The following MAPT variants were observed in gnomAD, a reference collection of about 807,000 sequenced individuals.
MAPT encodes microtubule associated protein tau, also known as microtubule-associated protein tau.
In MAPT, 34 loss-of-function variants were observed where a neutral mutation model predicts 67.9. That is an observed-to-expected ratio of 0.50 (90% confidence interval 0.38 to 0.67). The LOEUF is 0.67. MAPT is among the 30% of genes least tolerant of loss of function. The pLI, the probability that MAPT is intolerant of heterozygous loss-of-function variation, is 0.00. For missense variants in MAPT, 881 were observed against 1,115.2 expected (o/e 0.79, Z 2.99); for synonymous variants, 456 against 464.5 (o/e 0.98, Z 0.23).
chr17:45,951,694 C>T (rs778942470), intron 1 of MAPT, among the ~76,000 whole-genome samples: 21 of 152,116 alleles, frequency 1.4e-4, no homozygotes, highest in African/African-American at 5.1e-4. Context: ...TCCCCCACCC[C>T]GCCCCCCGGG....
intron 4 of MAPT, chr17:45,979,265 A>C (rs1047270345): frequency 6.6e-6 from 1 of 152,172 alleles, no homozygotes; most frequent in Non-Finnish European, 1.5e-5. Flanking sequence ...GAAATGGGAG[A>C]CCTATGGTAC....
chr17:45,985,208 A>G (rs765245407), intron 5 of MAPT, among the ~76,000 whole-genome samples: 24 of 152,114 alleles, frequency 1.6e-4, no homozygotes, highest in Admixed American at 3.9e-4. Flanking sequence ...GGGAGGCTGA[A>G]GCAGGATAAG....
chr17:45,997,716 T>C (rs2074613083), intron 9 of MAPT, among the ~76,000 whole-genome samples: 3 of 152,104 alleles, frequency 2.0e-5, no homozygotes, highest in Admixed American at 2.0e-4. Flanking sequence ...GCCGAGATAG[T>C]GCCACTGCAC....
intron 1 of MAPT, 53 bp from the exon 2 acceptor site, chr17:45,962,268 C>A (rs757868162): frequency 1.3e-4 from 191 of 1,465,180 alleles, no homozygotes; most frequent in Non-Finnish European, 1.7e-4. Flanking sequence ...TCTTCACCCC[C>A]ACTCTGCCCC....
chr17:45,949,886 G>A (rs8080502), intron 1 of MAPT, among the ~76,000 whole-genome samples: 17 of 152,188 alleles, frequency 1.1e-4, no homozygotes, highest in African/African-American at 4.1e-4. Context: ...GCCCCAGATC[G>A]TGGGAAACCT....
chr17:45,934,881 G>GA (rs2067181065), intron 1 of MAPT, among the ~76,000 whole-genome samples: 1 of 147,142 alleles, frequency 6.8e-6, no homozygotes. Context: ...GCCTTTTTGA[G>GA]TTTCCCCCCC....
Position 45,971,971 on chromosome 17 carries a change from C to G in MAPT, c.220+26C>G, listed in dbSNP as rs954024026. The G allele has an allele frequency of 3.2e-6, 5 of 1,566,646 alleles. No individual in the cohort carries two copies. The African/African-American group carries it at 6.8e-5, about 21-fold the overall frequency. On this transcript the variant is annotated intron_variant, in intron 3 of 12. Coordinates refer to ENST00000262410, the MANE Select transcript of MAPT (RefSeq NM_001377265.1). This position sits in a 1 kb window ranked among gnomAD's most constrained non-coding sequence, Gnocchi z 4.3. ...GTGGGCCCCCCTTCAGACGCCCCCT[C>G]CATGCCTCCAGCCTGTGCTTAGCCG...
chr17:46,016,927 G>A (rs998952321), intron 11 of MAPT, among the ~76,000 whole-genome samples: 2 of 152,112 alleles, frequency 1.3e-5, no homozygotes, highest in African/African-American at 2.4e-5. Context: ...CTGCCATATC[G>A]GACGACACAG....
chr17:45,918,981 G>T (rs2065438223), intron 1 of MAPT, among the ~76,000 whole-genome samples: 1 of 151,750 alleles, frequency 6.6e-6, no homozygotes, highest in Non-Finnish European at 1.5e-5. Context: ...AGAATTGCTT[G>T]AGCCCGGGAG....
chr17:46,015,500 A>G (rs149561857), intron 11 of MAPT, among the ~76,000 whole-genome samples: 6,611 of 152,068 alleles, frequency 0.043, 827 homozygotes, highest in East Asian at 0.41. Context: ...TCTACTAAAA[A>G]TACAAAAAAT....
chr17:46,010,667 T>C lies in MAPT; in HGVS notation c.2091+265T>C, dbSNP rs1331662665. Among the ~76,000 whole-genome samples the C allele has an allele frequency of 6.6e-6, 1 of 152,038 alleles. No individual in the cohort carries two copies. The highest frequency in any genetic ancestry group is 2.4e-5 in the African/African-American group (1 of 41,396). Reference sequence around the variant, plus strand: ...GCCTGCGCAGGCTGTGTGGACAGAATAGGGCAGATGACGGACCCTCTCTCC... The same window carrying C: ...GCCTGCGCAGGCTGTGTGGACAGAACAGGGCAGATGACGGACCCTCTCTCC... On this transcript the variant is annotated intron_variant, in intron 10 of 12. Transcript: ENST00000262410. The surrounding 1 kb of genome is among the most constrained non-coding windows in gnomAD (Gnocchi z 4.7).
chr17:45,983,426 G>C lies in MAPT; in HGVS notation c.847G>C (p.Gly283Arg), dbSNP rs2073188791. ...GGGGCCGCCGCTGAAGGGGGCAGGG[G>C]GCAAAGAGAGGCCGGGGAGCAAGGA... ...QEGPPLKGAGGKERPGSKEEV... is the reference protein window; with the variant it reads ...QEGPPLKGAGRKERPGSKEEV... Residue 283 changes from glycine to arginine, a missense_variant, in exon 5 of 13, where the codon GGC becomes CGC. Transcript: ENST00000262410. 6.2e-7 allele frequency: 1 copy of C among 1,607,308 alleles called. No individual in the cohort carries two copies. The highest frequency in any genetic ancestry group is 2.2e-5 in the East Asian group (1 of 44,752).
chr17:45,928,781 C>T (rs944509617), intron 1 of MAPT, among the ~76,000 whole-genome samples: 1 of 152,100 alleles, frequency 6.6e-6, no homozygotes, highest in Non-Finnish European at 1.5e-5. Context: ...CTGCAAGCTC[C>T]GCCTCTCGGG....
chr17:45,987,835 C>T (rs2073713106), intron 6 of MAPT, among the ~76,000 whole-genome samples: 1 of 152,210 alleles, frequency 6.6e-6, no homozygotes, highest in African/African-American at 2.4e-5. Flanking sequence ...ATTTGGAGAG[C>T]TGGCCTGGGT....
In MAPT at chr17:45,996,313, A is replaced by G; in HGVS notation, c.1733-86A>G. ...GCCTAACCCAGTGGTGAGCCTGGGA[A>G]TGGACCCACGGGACAGGCAGCCCCC... On this transcript the variant is annotated intron_variant, in intron 8 of 12. Coordinates refer to ENST00000262410, the MANE Select transcript of MAPT (RefSeq NM_001377265.1). The surrounding 1 kb of genome is among the most constrained non-coding windows in gnomAD (Gnocchi z 4.5). 1 of 1,470,646 alleles carries G rather than the reference A, an allele frequency of 6.8e-7. No individual in the cohort carries two copies. The highest frequency in any genetic ancestry group is 2.3e-5 in the East Asian group (1 of 44,304). The allele number at this position is 1,470,646 out of a possible 1,614,324, so 91.1% of individuals were successfully genotyped here.
At chr17:45,904,371 A>G (rs2064140550) in intron 1 of MAPT, among the ~76,000 whole-genome samples, 1 of 103,872 alleles carries the variant, frequency 9.6e-6, no homozygotes, top group Admixed American at 1.7e-4. Flanking sequence ...TATATTAAAT[A>G]TATTTTATAT....
Position 45,983,447 on chromosome 17 carries a change from A to C in MAPT, c.868A>C (p.Lys290Gln), listed in dbSNP as rs961730909. ...GAGGKERPGS[K>Q]EEVDEDRDVD... Reference sequence around the variant, plus strand: ...AGGGGGCAAAGAGAGGCCGGGGAGCAAGGAGGAGGTGGATGAAGACCGCGA... The same window carrying C: ...AGGGGGCAAAGAGAGGCCGGGGAGCCAGGAGGAGGTGGATGAAGACCGCGA... Residue 290 changes from lysine (K) to glutamine (Q), a missense_variant, in exon 5 of 13, where the codon AAG (lysine) becomes CAG (glutamine). Around this residue, in one of 6 missense-constraint regions of MAPT, gnomAD observed 687 missense variants for 766.1 expected, o/e 0.90. Coordinates refer to ENST00000262410, the MANE Select transcript of MAPT (RefSeq NM_001377265.1). 4 of 1,606,930 alleles carry C rather than the reference A, an allele frequency of 2.5e-6. No individual in the cohort carries two copies. Among genetic ancestry groups the C allele is most frequent in the Non-Finnish European group, 3.4e-6 (4 of 1,175,950 alleles).
At chr17:45,938,965 C>T (rs2067614039) in intron 1 of MAPT, among the ~76,000 whole-genome samples, 2 of 152,066 alleles carry the variant, frequency 1.3e-5, no homozygotes, top group South Asian at 4.2e-4. Flanking sequence ...AGGTGTGCAC[C>T]ACCACGCCCG....
At chr17:45,977,679 T>C (rs1040320048) in intron 3 of MAPT, 1 of 152,246 alleles carries the variant, frequency 6.6e-6, no homozygotes, top group Non-Finnish European at 1.5e-5. Flanking sequence ...CCCCAAAAGC[T>C]GCTCACCAGC....
Sources: allele counts gnomAD v4.1 joint callset (sites outside exome capture counted in the v4.1 genomes callset), GRCh38; gene constraint gnomAD v4.1.1; regional missense constraint gnomAD v4.1.1; non-coding constraint Gnocchi (gnomAD v3.1); transcripts MANE v1.5; gene names NCBI Gene and HGNC (gene_info 2026-07-23, HGNC 2026-07-21).